OSBPL2: variants seen among roughly 807,000 people sequenced by gnomAD.
The protein encoded by OSBPL2 is oxysterol-binding protein-related protein 2.
A neutral mutation model predicts 58.4 loss-of-function variants in OSBPL2; 18 were observed. The observed-to-expected ratio is 0.31, with a 90% CI of 0.21 to 0.46. The LOEUF is 0.46. Among genes scored for constraint, OSBPL2 ranks in the 20% least tolerant of loss-of-function variants. The probability of loss-of-function intolerance (pLI) is 1.00; values close to 1 mark genes in which losing one functional copy is unlikely to be tolerated. For missense variants in OSBPL2, 461 were observed against 616.5 expected, an observed-to-expected ratio of 0.75 and a Z score of 2.67; for synonymous variants, 221 against 234.1, an observed-to-expected ratio of 0.94 and a Z score of 0.51.
chr20:62,240,604 G>T (rs527903602), intron 1 of OSBPL2, among the ~76,000 whole-genome samples: 6 of 152,232 alleles, frequency 3.9e-5, no homozygotes, highest in African/African-American at 1.4e-4. Flanking sequence ...AGGCTCCAGG[G>T]TTCACACTCT....
chr20:62,284,000 T>G, intron 9 of OSBPL2, 46 bp from the exon 10 acceptor site: 1 of 1,578,356 alleles, frequency 6.3e-7, no homozygotes, highest in Non-Finnish European at 8.6e-7. Flanking sequence ...AGACAAATGG[T>G]TTGTAATGAC....
At chr20:62,265,163 C>T (rs555079093) in intron 4 of OSBPL2, among the ~76,000 whole-genome samples, 47 of 152,216 alleles carry the variant, frequency 3.1e-4, no homozygotes, top group African/African-American at 9.6e-4. Context: ...TTTCCATTCT[C>T]GTTCGTTCTT....
intron 7 of OSBPL2, chr20:62,280,171 C>T (rs1174939584): frequency 8.3e-6 from 10 of 1,198,928 alleles, no homozygotes; most frequent in African/African-American, 1.6e-5. Flanking sequence ...GGCAGCAGGT[C>T]CTAACAAATA....
In OSBPL2 at chr20:62,293,836, T is replaced by C. The variant is rs1983686259; in HGVS notation, c.1392T>C (p.Tyr464=). 6.2e-7 allele frequency: 1 copy of C among 1,614,144 alleles called. No homozygotes were observed. The highest frequency in any genetic ancestry group is 8.5e-7 in the Non-Finnish European group (1 of 1,180,018). Residue 464 remains tyrosine, a synonymous_variant, in exon 14 of 14, where the codon TAT becomes TAC. Transcript: ENST00000313733. ...ACACTGGGACCCCCGACTGGTTGTATGCAGGGGATTACTTTGAGCGGAATT... is the reference window on the plus strand; with the variant it reads ...ACACTGGGACCCCCGACTGGTTGTACGCAGGGGATTACTTTGAGCGGAATT... ...NPYTGTPDWL[Y]AGDYFERNFS...
intron 1 of OSBPL2, among the ~76,000 whole-genome samples, chr20:62,247,127 C>T (rs1057019048): frequency 7.2e-5 from 11 of 152,332 alleles, no homozygotes; most frequent in African/African-American, 2.6e-4. Flanking sequence ...TGTGGTTGGG[C>T]TCACGTGTTA....
intron 1 of OSBPL2, among the ~76,000 whole-genome samples, chr20:62,254,613 G>C (rs981044095): frequency 1.3e-5 from 2 of 152,268 alleles, no homozygotes; most frequent in Admixed American, 6.5e-5. Flanking sequence ...GGCTGTGGCA[G>C]GGCTGCGGGA....
intron 4 of OSBPL2, among the ~76,000 whole-genome samples, chr20:62,268,090 G>A: frequency 6.7e-6 from 1 of 148,944 alleles, no homozygotes; most frequent in Non-Finnish European, 1.5e-5. Flanking sequence ...GTAGATACGG[G>A]GTTTCACCTT....
At chr20:62,254,098 G>A (rs565365271) in intron 1 of OSBPL2, among the ~76,000 whole-genome samples, 14 of 152,206 alleles carry the variant, frequency 9.2e-5, no homozygotes, top group African/African-American at 3.1e-4. Flanking sequence ...ACGCCCGGCC[G>A]ACTCACCCTT....
At chr20:62,280,088 A>G in intron 7 of OSBPL2, 2 of 1,304,312 alleles carry the variant, frequency 1.5e-6, no homozygotes, top group South Asian at 2.5e-5. Flanking sequence ...CACAGACCGG[A>G]TGCTGGCGTC....
intron 6 of OSBPL2, among the ~76,000 whole-genome samples, chr20:62,274,734 T>C (rs1324524273): frequency 6.6e-6 from 1 of 152,160 alleles, no homozygotes; most frequent in Non-Finnish European, 1.5e-5. Context: ...TGGAGGGGCG[T>C]GGGTGGTTAT....
At chr20:62,266,078 C>CT (rs1346196869) in intron 4 of OSBPL2, among the ~76,000 whole-genome samples, 2 of 152,158 alleles carry the variant, frequency 1.3e-5, no homozygotes, top group African/African-American at 4.8e-5. Context: ...ACTGTGATTT[C>CT]ACCACTGTGC....
intron 11 of OSBPL2, 24 bp from the exon 12 acceptor site, chr20:62,289,183 G>C (rs374723767): frequency 1.9e-6 from 3 of 1,612,658 alleles, no homozygotes; most frequent in Non-Finnish European, 2.5e-6. Context: ...TGCTGAGGTC[G>C]TGTCTCTGTG....
intron 4 of OSBPL2, among the ~76,000 whole-genome samples, chr20:62,265,586 G>T (rs1057509184): frequency 2.6e-5 from 4 of 152,140 alleles, no homozygotes; most frequent in African/African-American, 7.2e-5. Flanking sequence ...TTGCCTGCAG[G>T]CCCTCTCAGC....
At chr20:62,270,089 G>A (rs76605224) in intron 4 of OSBPL2, among the ~76,000 whole-genome samples, 2,942 of 152,334 alleles carry the variant, frequency 0.019, 93 homozygotes, top group African/African-American at 0.067. Context: ...CCCAGGCAGA[G>A]CGCGTCCTTG....
rs1983316637 is a variant in OSBPL2 at position 62,288,980 on chromosome 20, G to T, written c.1126-227G>T. Among the ~76,000 whole-genome samples, 1 of 152,150 alleles carries T rather than the reference G, an allele frequency of 6.6e-6. No homozygotes were observed. Among genetic ancestry groups the T allele is most frequent in the African/African-American group, 2.4e-5 (1 of 41,420 alleles). Reference sequence around the variant, plus strand: ...AGAAAAAGAAATGTGTGTGAGTTTTGCTGGTATACCTCAAAATGCAAACGT... The same window carrying T: ...AGAAAAAGAAATGTGTGTGAGTTTTTCTGGTATACCTCAAAATGCAAACGT... On this transcript the variant is annotated intron_variant, in intron 11 of 13. Coordinates refer to ENST00000313733, the MANE Select transcript of OSBPL2 (RefSeq NM_144498.4). This position sits in a 1 kb window ranked among gnomAD's most constrained non-coding sequence, Gnocchi z 4.8.
chr20:62,261,481 C>T (rs1487318845), intron 3 of OSBPL2, among the ~76,000 whole-genome samples: 1 of 152,200 alleles, frequency 6.6e-6, no homozygotes, highest in African/African-American at 2.4e-5. Context: ...CTCCTTCGAG[C>T]TGTAGGCCCA....
chr20:62,286,387 T>G, intron 10 of OSBPL2, 196 bp from the exon 11 acceptor site: 1 of 543,944 alleles, frequency 1.8e-6, no homozygotes, highest in Non-Finnish European at 3.3e-6. Context: ...GAGGCAGAGG[T>G]TGCAGTGACC....
chr20:62,245,168 G>A (rs1188772595), intron 1 of OSBPL2, among the ~76,000 whole-genome samples: 3 of 151,252 alleles, frequency 2.0e-5, no homozygotes, highest in African/African-American at 4.9e-5. Flanking sequence ...GCGCGATCTC[G>A]GCTCACTGCA....
chr20:62,256,301 G>A (rs1980919705), intron 2 of OSBPL2, 80 bp downstream of exon 2: 1 of 1,329,162 alleles, frequency 7.5e-7, no homozygotes, highest in Admixed American at 1.8e-5. Context: ...TGGCGTTTGG[G>A]GTGTAAAGAT....
Sources: allele counts gnomAD v4.1 joint callset (sites outside exome capture counted in the v4.1 genomes callset), GRCh38; gene constraint gnomAD v4.1.1; non-coding constraint Gnocchi (gnomAD v3.1); transcripts MANE v1.5; gene names NCBI Gene and HGNC (gene_info 2026-07-23, HGNC 2026-07-21).